FBP1: variants seen among roughly 807,000 people sequenced by gnomAD.
FBP1 encodes the protein fructose-1,6-bisphosphatase 1.
FBP1 carries 22 observed loss-of-function variants against 29.9 expected under a neutral mutation model. The observed-to-expected ratio is 0.74, with a 90% CI of 0.53 to 1.05. FBP1 has a LOEUF of 1.05. Ranked by LOEUF, FBP1 falls within the 50% of genes least tolerant of loss-of-function variation. The pLI, the probability that FBP1 is intolerant of heterozygous loss-of-function variation, is 0.00. For missense variants in FBP1, 345 were observed against 448.2 expected (o/e 0.77, Z 2.08); for synonymous variants, 175 against 178.6 (o/e 0.98, Z 0.16).
chr9:94,628,782 G>A (rs1261999016), intron 1 of FBP1, among the ~76,000 whole-genome samples: 1 of 152,150 alleles, frequency 6.6e-6, no homozygotes, highest in African/African-American at 2.4e-5. Context: ...CAGAGACCCG[G>A]ATATTTGGTT....
intron 1 of FBP1, among the ~76,000 whole-genome samples, chr9:94,626,597 C>T (rs1404686493): frequency 6.6e-6 from 1 of 152,088 alleles, no homozygotes; most frequent in Non-Finnish European, 1.5e-5. Context: ...GAGATTTCCC[C>T]GAGTAACACA....
chr9:94,613,014 A>T (rs1827808136), intron 3 of FBP1, among the ~76,000 whole-genome samples: 1 of 152,196 alleles, frequency 6.6e-6, no homozygotes, highest in Non-Finnish European at 1.5e-5. Flanking sequence ...TGCTGTAGGC[A>T]CTGGCTCCAT....
intron 1 of FBP1, among the ~76,000 whole-genome samples, chr9:94,638,110 A>T (rs1230519046): frequency 1.2e-5 from 1 of 85,434 alleles, no homozygotes; most frequent in Admixed American, 1.1e-4. Flanking sequence ...AAAAGAAAAG[A>T]AAAAGAAAAT....
At chr9:94,640,075 C>T (rs1362303955), upstream of FBP1, 1 of 152,374 alleles carries the variant, frequency 6.6e-6, no homozygotes, top group African/African-American at 2.4e-5. Flanking sequence ...AATCCTTAAT[C>T]CAGGCCTCTT....
intron 1 of FBP1, among the ~76,000 whole-genome samples, chr9:94,633,841 A>AT (rs1770223259): frequency 6.6e-6 from 1 of 151,426 alleles, no homozygotes; most frequent in Non-Finnish European, 1.5e-5. Context: ...AGTAGCTGGG[A>AT]TTACAGGCGC....
chr9:94,620,249 C>A, intron 2 of FBP1, 80 bp downstream of exon 2: 1 of 1,486,356 alleles, frequency 6.7e-7, no homozygotes. Context: ...CCCAGCTCAG[C>A]TGAACAAGTG....
chr9:94,611,467 T>C (rs762477210), intron 3 of FBP1, among the ~76,000 whole-genome samples: 5 of 152,156 alleles, frequency 3.3e-5, no homozygotes, highest in Admixed American at 6.5e-5. Context: ...AAAATGCACA[T>C]TCACAGCCGG....
intron 2 of FBP1, among the ~76,000 whole-genome samples, chr9:94,619,270 G>A (rs1827907752): frequency 6.6e-6 from 1 of 152,132 alleles, no homozygotes; most frequent in African/African-American, 2.4e-5. Context: ...TTCATCAGAT[G>A]TGGCTCCTGC....
chr9:94,617,102 T>C (rs1222524783), intron 3 of FBP1, among the ~76,000 whole-genome samples: 1 of 152,172 alleles, frequency 6.6e-6, no homozygotes, highest in Non-Finnish European at 1.5e-5. Flanking sequence ...AGATAGTAAA[T>C]TTTTCAGTTT....
At chr9:94,634,197 G>A (rs1338536699) in intron 1 of FBP1, among the ~76,000 whole-genome samples, 4 of 151,376 alleles carry the variant, frequency 2.6e-5, no homozygotes, top group Middle Eastern at 3.2e-3. Context: ...GGGAGGCTGA[G>A]GCAGGAGAAT....
intron 1 of FBP1, among the ~76,000 whole-genome samples, chr9:94,635,838 G>T (rs1016016142): frequency 6.6e-6 from 1 of 152,266 alleles, no homozygotes; most frequent in East Asian, 1.9e-4. Context: ...TGTGTGCAGG[G>T]GAGCAGCACA....
At chr9:94,606,574 T>A (rs1196039198) in intron 5 of FBP1, among the ~76,000 whole-genome samples, 1 of 152,230 alleles carries the variant, frequency 6.6e-6, no homozygotes, top group Non-Finnish European at 1.5e-5. Context: ...AGTACTGAGG[T>A]GAGAACTTCA....
chr9:94,633,607 G>A (rs779316189), intron 1 of FBP1, among the ~76,000 whole-genome samples: 1 of 152,160 alleles, frequency 6.6e-6, no homozygotes, highest in South Asian at 2.1e-4. Flanking sequence ...CCTGAACTGC[G>A]GTCCAGCCGC....
At chr9:94,613,436 G>A (rs2095814352) in intron 3 of FBP1, among the ~76,000 whole-genome samples, 1 of 152,202 alleles carries the variant, frequency 6.6e-6, no homozygotes, top group South Asian at 2.1e-4. Context: ...ACCCAGCATT[G>A]CAGGAGAATT....
chr9:94,639,091 T>TC, intron 1 of FBP1, 50 bp downstream of exon 1: 1 of 1,547,702 alleles, frequency 6.5e-7, no homozygotes, highest in Non-Finnish European at 8.7e-7. Flanking sequence ...CCGGGCAGGC[T>TC]CCCCAGGCAG....
chr9:94,608,742 G>T (rs989018305), intron 4 of FBP1, among the ~76,000 whole-genome samples: 4 of 152,070 alleles, frequency 2.6e-5, no homozygotes, highest in African/African-American at 4.8e-5. Context: ...GACAAAGGCA[G>T]CCTGTGTTGA....
chr9:94,605,643 C>G (rs1035255173), intron 5 of FBP1, 67 bp from the exon 6 acceptor site: 2 of 1,537,040 alleles, frequency 1.3e-6, no homozygotes, highest in African/African-American at 2.7e-5. Flanking sequence ...TTGGTGTCTC[C>G]TAAGTTTCTT....
chr9:94,620,550 C>T, intron 1 of FBP1, 59 bp from the exon 2 acceptor site: 2 of 1,535,066 alleles, frequency 1.3e-6, no homozygotes, highest in Admixed American at 3.5e-5. Context: ...GTAGATGAGT[C>T]CATAAACCCA....
intron 1 of FBP1, among the ~76,000 whole-genome samples, chr9:94,623,428 A>G (rs1352856085): frequency 1.3e-5 from 2 of 152,282 alleles, no homozygotes; most frequent in East Asian, 3.9e-4. Context: ...CATGTGTCCA[A>G]AGAGGGAAGT....
Sources: allele counts gnomAD v4.1 joint callset (sites outside exome capture counted in the v4.1 genomes callset), GRCh38; gene constraint gnomAD v4.1.1; transcripts MANE v1.5; gene names NCBI Gene and HGNC (gene_info 2026-07-23, HGNC 2026-07-21).